The following EHBP1 variants were observed in gnomAD, a reference collection of about 807,000 sequenced individuals.
The protein encoded by EHBP1 is EH domain binding protein 1.
EHBP1 carries 55 observed loss-of-function variants against 144.0 expected under a neutral mutation model. The ratio of observed to expected loss-of-function variants is 0.38; its 90% confidence interval spans 0.31 to 0.48. EHBP1 has a LOEUF of 0.48. Ranked by LOEUF, EHBP1 falls within the 20% of genes least tolerant of loss-of-function variation. The pLI is 0.98. For synonymous variants in EHBP1, 469 were observed against 472.7 expected, an observed-to-expected ratio of 0.99 and a Z score of 0.10; for missense variants, 1,200 against 1,364.2, an observed-to-expected ratio of 0.88 and a Z score of 1.90.
chr2:62,946,643 A>G (rs934193816), intron 12 of EHBP1, among the ~76,000 whole-genome samples: 10 of 152,222 alleles, frequency 6.6e-5, no homozygotes, highest in African/African-American at 2.2e-4. Flanking sequence ...ATTTAATAAC[A>G]TCTACAAATG....
intron 19 of EHBP1, among the ~76,000 whole-genome samples, chr2:63,013,523 C>A (rs534792953): frequency 3.9e-5 from 6 of 152,078 alleles, no homozygotes; most frequent in South Asian, 2.1e-4. Flanking sequence ...TGAAACCCCC[C>A]CAAAAGACAA....
chr2:62,754,405 G>C (rs1367001982), intron 3 of EHBP1, among the ~76,000 whole-genome samples: 1 of 152,198 alleles, frequency 6.6e-6, no homozygotes, highest in Non-Finnish European at 1.5e-5. Flanking sequence ...TGCCTCTACT[G>C]GGGGGTGCCT....
At chr2:62,944,001 G>GT in intron 12 of EHBP1, 151 bp downstream of exon 12, 2 of 506,920 alleles carry the variant, frequency 3.9e-6, no homozygotes, top group Non-Finnish European at 7.0e-6. Context: ...AGGATACATG[G>GT]TTTACTCTGG....
chr2:62,729,537 A>G (rs1208821501), intron 2 of EHBP1, among the ~76,000 whole-genome samples: 1 of 121,460 alleles, frequency 8.2e-6, no homozygotes, highest in African/African-American at 3.3e-5. Context: ...TAATATATAT[A>G]ATATATATTA....
chr2:62,701,339 C>A (rs1262366658), upstream of EHBP1, among the ~76,000 whole-genome samples: 2 of 151,808 alleles, frequency 1.3e-5, no homozygotes, highest in Non-Finnish European at 1.5e-5. Flanking sequence ...ATGTATTAAT[C>A]TTTTTTGCAT....
chr2:62,809,670 A>G (rs566042972), intron 5 of EHBP1, among the ~76,000 whole-genome samples: 31 of 152,258 alleles, frequency 2.0e-4, no homozygotes, highest in Middle Eastern at 3.4e-3. Flanking sequence ...CCCAACTAGT[A>G]GTCTGCAGTG....
intron 19 of EHBP1, among the ~76,000 whole-genome samples, chr2:63,019,785 G>T (rs2060632362): frequency 7.5e-6 from 1 of 133,804 alleles, no homozygotes; most frequent in African/African-American, 2.8e-5. Context: ...GGAGGAGAAG[G>T]GAAAGGGGGA....
intron 7 of EHBP1, among the ~76,000 whole-genome samples, chr2:62,847,644 G>C: frequency 6.6e-6 from 1 of 152,064 alleles, no homozygotes; most frequent in Admixed American, 6.6e-5. Context: ...GTCCATCCTC[G>C]GTAACATAGT....
At chr2:62,767,529 T>A (rs944805545) in intron 4 of EHBP1, among the ~76,000 whole-genome samples, 1 of 151,538 alleles carries the variant, frequency 6.6e-6, no homozygotes, top group African/African-American at 2.4e-5. Context: ...AAACCCCATC[T>A]CTACAAAAAA....
At chr2:62,748,368 A>G (rs947881259) in intron 3 of EHBP1, among the ~76,000 whole-genome samples, 6 of 152,146 alleles carry the variant, frequency 3.9e-5, no homozygotes, top group Non-Finnish European at 7.4e-5. Flanking sequence ...AAAAAATTCT[A>G]TCCTGGCCAG....
rs372866052 is a variant in EHBP1, at chr2:62,779,535, T to G, written c.312+8143T>G. Reference sequence around the variant, plus strand: ...TTATGGCTACTTGCTCAGAGAGTATTGTTCTACACAGCACTAACCAGAATA... The same window carrying G: ...TTATGGCTACTTGCTCAGAGAGTATGGTTCTACACAGCACTAACCAGAATA... On this transcript the variant is annotated intron_variant, in intron 5 of 22. Coordinates refer to ENST00000431489, the MANE Select transcript of EHBP1 (RefSeq NM_001142616.3). Among the ~76,000 whole-genome samples the G allele has an allele frequency of 6.0e-4, 92 of 152,282 alleles. 1 individual carries two copies. In the South Asian group the frequency reaches 0.018, roughly 30 times the overall value.
At chr2:62,794,608 T>C (rs1273826770) in intron 5 of EHBP1, among the ~76,000 whole-genome samples, 2 of 151,986 alleles carry the variant, frequency 1.3e-5, no homozygotes, top group Non-Finnish European at 2.9e-5. Context: ...TTTATTCTGA[T>C]TGCTCAAAAT....
At chr2:62,894,552 G>A (rs1377640174) in intron 10 of EHBP1, among the ~76,000 whole-genome samples, 1 of 152,150 alleles carries the variant, frequency 6.6e-6, no homozygotes, top group East Asian at 1.9e-4. Context: ...ATGCATTGAA[G>A]TATGAAAGTG....
chr2:62,920,932 G>A (rs1174415902), intron 10 of EHBP1, among the ~76,000 whole-genome samples: 2 of 152,012 alleles, frequency 1.3e-5, no homozygotes, highest in African/African-American at 2.4e-5. Context: ...GCCTCCCACA[G>A]TTCTTAGATT....
At chr2:62,757,582 C>T (rs1356689296) in intron 3 of EHBP1, among the ~76,000 whole-genome samples, 6 of 151,388 alleles carry the variant, frequency 4.0e-5, no homozygotes, top group Admixed American at 6.6e-5. Context: ...TACAGACATA[C>T]GCCACAATTC....
At chr2:62,804,640 A>G (rs1178947472) in intron 5 of EHBP1, among the ~76,000 whole-genome samples, 1 of 152,210 alleles carries the variant, frequency 6.6e-6, no homozygotes, top group African/African-American at 2.4e-5. Context: ...AGACCCACTT[A>G]TTGATGGGAG....
At chr2:62,747,305 G>A in intron 2 of EHBP1, 90 bp from the exon 3 acceptor site, 1 of 1,099,328 alleles carries the variant, frequency 9.1e-7, no homozygotes, top group South Asian at 1.4e-5. Flanking sequence ...GTAGCCTAAA[G>A]CAGATGACAT....
At chr2:62,922,403 G>A (rs1244406940) in intron 10 of EHBP1, among the ~76,000 whole-genome samples, 1 of 152,158 alleles carries the variant, frequency 6.6e-6, no homozygotes, top group Admixed American at 6.5e-5. Context: ...GTAGACTTTG[G>A]TGGAATGGGT....
At position 62,760,641 on chromosome 2, in the gene EHBP1, T is replaced by C. The variant is rs183424259; in HGVS notation, c.163-3625T>C. Among the ~76,000 whole-genome samples the C allele has an allele frequency of 8.2e-4, 125 of 152,324 alleles. 1 individual carries two copies. Among genetic ancestry groups the C allele is most frequent in the African/African-American group, 2.7e-3 (113 of 41,572 alleles). ...GTTGTTAGACGGTCTCCGTATTCCC[T>C]GCTTTTCCCACTTTTGATCACTGTG... On this transcript the variant is annotated intron_variant, in intron 3 of 22. Transcript: ENST00000431489.
Sources: gnomAD v4.1 joint callset for allele counts (sites outside exome capture counted in the v4.1 genomes callset) on GRCh38, gnomAD v4.1.1 for gene constraint, MANE v1.5 for transcripts, NCBI Gene and HGNC (gene_info 2026-07-23, HGNC 2026-07-21) for gene names.